SLC9C2: variants seen among roughly 807,000 people sequenced by gnomAD.
SLC9C2 encodes the protein sodium/hydrogen exchanger 11.
Under a neutral mutation model 140.2 loss-of-function variants are expected in SLC9C2, and 75 were observed. The ratio of observed to expected loss-of-function variants is 0.53; its 90% confidence interval spans 0.44 to 0.65. The LOEUF is 0.65. Ranked by LOEUF, SLC9C2 falls within the 30% of genes least tolerant of loss-of-function variation. The pLI, the probability that SLC9C2 is intolerant of heterozygous loss-of-function variation, is 0.00. For synonymous variants in SLC9C2, 375 were observed against 420.9 expected, an observed-to-expected ratio of 0.89 and a Z score of 1.34; for missense variants, 1,074 against 1,331.8, an observed-to-expected ratio of 0.81 and a Z score of 3.01.
chr1:173,547,928 T>C (rs1029984011), intron 12 of SLC9C2, 144 bp from the exon 13 acceptor site: 3 of 622,070 alleles, frequency 4.8e-6, no homozygotes, highest in Admixed American at 3.1e-5. Context: ...CTATGTAATG[T>C]TTTTTCATAT....
At chr1:173,599,873 G>C (rs1327540375) in intron 3 of SLC9C2, among the ~76,000 whole-genome samples, 1 of 152,034 alleles carries the variant, frequency 6.6e-6, no homozygotes, top group Non-Finnish European at 1.5e-5. Context: ...CAAAGTGCTG[G>C]GATAACAACC....
chr1:173,580,832 T>G (rs1665486040), intron 7 of SLC9C2, among the ~76,000 whole-genome samples: 1 of 152,198 alleles, frequency 6.6e-6, no homozygotes, highest in South Asian at 2.1e-4. Flanking sequence ...CTATCAGGCA[T>G]ATGGCAAGCT....
In SLC9C2 at chr1:173,547,742, T is replaced by C. The variant is rs751385889; in HGVS notation, c.1504A>G (p.Thr502Ala). The stretch of plus-strand genomic sequence containing the variant: ...GCTTCCTCCATTAAAGCTTCATCTG[T>C]TGTGGATTCTGTCTTCATATCATTA... ...SHNDMKTEST[T>A]DEALMEEARL... Residue 502 changes from threonine (T) to alanine (A), a missense_variant, in exon 13 of 28, where the codon ACA becomes GCA. Transcript: ENST00000367714. 2 of 1,612,502 alleles carry C rather than the reference T, an allele frequency of 1.2e-6. No individual in the cohort carries two copies. The highest frequency in any genetic ancestry group is 1.7e-6 in the Non-Finnish European group (2 of 1,178,848).
chr1:173,569,776 C>A (rs1340144904), intron 9 of SLC9C2, among the ~76,000 whole-genome samples: 1 of 152,008 alleles, frequency 6.6e-6, no homozygotes, highest in African/African-American at 2.4e-5. Flanking sequence ...ACAGCAAGAC[C>A]CTGTCCCAAA....
At chr1:173,582,672 C>T (rs1665616825) in intron 6 of SLC9C2, among the ~76,000 whole-genome samples, 1 of 152,200 alleles carries the variant, frequency 6.6e-6, no homozygotes, top group Non-Finnish European at 1.5e-5. Context: ...AACACATTTT[C>T]TCCATTCATA....
chr1:173,529,529 C>G (rs1661422336), intron 18 of SLC9C2, among the ~76,000 whole-genome samples: 1 of 151,698 alleles, frequency 6.6e-6, no homozygotes, highest in African/African-American at 2.4e-5. Context: ...CTCTTTTCCT[C>G]TCTTCCTCTT....
At chr1:173,542,177 A>G (rs886524167) in intron 13 of SLC9C2, among the ~76,000 whole-genome samples, 1 of 152,216 alleles carries the variant, frequency 6.6e-6, no homozygotes, top group Non-Finnish European at 1.5e-5. Context: ...TAAAGGGGAT[A>G]CCAGCACTGA....
Position 173,533,768 on chromosome 1 carries a change from T to C in SLC9C2, c.2004A>G (p.Gln668=). 6.2e-7 allele frequency: 1 copy of C among 1,603,812 alleles called. No homozygotes were observed. The highest frequency in any genetic ancestry group is 8.5e-7 in the Non-Finnish European group (1 of 1,172,966). ...KIIILKRKYF[Q]QCWNTLEFFI... ...AAAATTCCAAAGTATTCCAACATTG[T>C]TGAAAATATTTCCTTTTCAAAATTA... Residue 668 remains glutamine (Q), a synonymous_variant, in exon 17 of 28, where the codon CAA becomes CAG. Coordinates refer to ENST00000367714, the MANE Select transcript of SLC9C2 (RefSeq NM_178527.4).
chr1:173,535,408 G>A (rs1460912942), intron 15 of SLC9C2, among the ~76,000 whole-genome samples: 1 of 152,116 alleles, frequency 6.6e-6, no homozygotes, highest in Non-Finnish European at 1.5e-5. Context: ...TTGGTTACAG[G>A]TATTATTAAG....
At chr1:173,598,643 T>C (rs1056834130) in intron 3 of SLC9C2, among the ~76,000 whole-genome samples, 2 of 152,226 alleles carry the variant, frequency 1.3e-5, no homozygotes, top group Non-Finnish European at 2.9e-5. Context: ...TAACTTTCAT[T>C]ACTTCACCTC....
At chr1:173,557,686 T>G (rs1410145381) in intron 9 of SLC9C2, among the ~76,000 whole-genome samples, 178 bp from the exon 10 acceptor site, 3 of 152,174 alleles carry the variant, frequency 2.0e-5, no homozygotes, top group African/African-American at 7.2e-5. Context: ...CTATTTAAAG[T>G]TTGCACATAA....
At chr1:173,562,886 C>A (rs907593891) in intron 9 of SLC9C2, among the ~76,000 whole-genome samples, 6 of 152,134 alleles carry the variant, frequency 3.9e-5, no homozygotes, top group Non-Finnish European at 8.8e-5. Context: ...GATTACATTT[C>A]ACTGCGGAAA....
intron 8 of SLC9C2, among the ~76,000 whole-genome samples, chr1:173,575,800 G>A (rs1289862482): frequency 1.3e-5 from 2 of 151,998 alleles, no homozygotes; most frequent in African/African-American, 4.8e-5. Flanking sequence ...GGATGGTCTC[G>A]ATCTCCTGAC....
intron 25 of SLC9C2, 126 bp downstream of exon 25, chr1:173,506,730 A>T: frequency 1.3e-6 from 1 of 756,558 alleles, no homozygotes; most frequent in Non-Finnish European, 2.1e-6. Flanking sequence ...ACTGTTTGTA[A>T]AAGGCAAGTA....
In SLC9C2 at chr1:173,554,656, A is replaced by G. The variant is rs181073296; in HGVS notation, c.1297+77T>C. ...ACCAATTCCTTGAGCTTCATGAGAA[A>G]TGTCCCCATGACACCCAACAATAAC... On this transcript the variant is annotated intron_variant, in intron 11 of 27. Transcript: ENST00000367714. The G allele has an allele frequency of 2.8e-5, 24 of 868,856 alleles. No homozygotes were observed. In the African/African-American group the frequency reaches 4.1e-4, roughly 15 times the overall value. The allele number at this position is 868,856 out of a possible 1,614,324, so 53.8% of individuals were successfully genotyped here.
At chr1:173,590,631 G>C (rs1666105762) in intron 4 of SLC9C2, among the ~76,000 whole-genome samples, 1 of 152,150 alleles carries the variant, frequency 6.6e-6, no homozygotes, top group African/African-American at 2.4e-5. Context: ...CACTACTCTT[G>C]CACTTTGGAG....
chr1:173,511,128 G>A (rs1371931297), intron 23 of SLC9C2, among the ~76,000 whole-genome samples: 3 of 140,788 alleles, frequency 2.1e-5, no homozygotes, highest in African/African-American at 8.0e-5. Flanking sequence ...CCACCTCCTG[G>A]GTTCAAGCAA....
At chr1:173,569,743 A>T (rs1664723928) in intron 9 of SLC9C2, among the ~76,000 whole-genome samples, 1 of 152,064 alleles carries the variant, frequency 6.6e-6, no homozygotes, top group African/African-American at 2.4e-5. Flanking sequence ...TGAGCCCAGG[A>T]GTTCAAGACC....
intron 9 of SLC9C2, among the ~76,000 whole-genome samples, chr1:173,570,938 A>ATGACTGTTTTTCCTACCCTCTTTT (rs1664805294): frequency 6.6e-6 from 1 of 152,186 alleles, no homozygotes; most frequent in Non-Finnish European, 1.5e-5. Context: ...TCAGCAATCC[A>ATGACTGTTTTTCCTACCCTCTTTT]TGACTGTTTT....
Sources: allele counts gnomAD v4.1 joint callset (sites outside exome capture counted in the v4.1 genomes callset), GRCh38; gene constraint gnomAD v4.1.1; transcripts MANE v1.5; gene names NCBI Gene and HGNC (gene_info 2026-07-23, HGNC 2026-07-21).